ANKS1A: variants seen among roughly 807,000 people sequenced by gnomAD.
ANKS1A encodes ankyrin repeat and sterile alpha motif domain containing 1A.
ANKS1A carries 55 observed loss-of-function variants against 120.3 expected under a neutral mutation model. The ratio of observed to expected loss-of-function variants is 0.46; its 90% CI spans 0.37 to 0.57. The LOEUF (loss-of-function observed/expected upper bound fraction) is 0.57. Ranked by LOEUF, ANKS1A falls within the 20% of genes least tolerant of loss-of-function variation. The pLI is 0.00. For synonymous variants in ANKS1A, 590 were observed against 604.7 expected, an observed-to-expected ratio of 0.98 and a Z score of 0.36; for missense variants, 1,123 against 1,480.3, an observed-to-expected ratio of 0.76 and a Z score of 3.96.
At chr6:35,063,191 A>C (rs1010366230) in intron 13 of ANKS1A, among the ~76,000 whole-genome samples, 2 of 152,170 alleles carry the variant, frequency 1.3e-5, no homozygotes, top group African/African-American at 4.8e-5. Context: ...AGAGAGGGAA[A>C]CGTGGCTCAC....
At chr6:34,899,485 A>T (rs986142186) in intron 1 of ANKS1A, among the ~76,000 whole-genome samples, 9 of 149,034 alleles carry the variant, frequency 6.0e-5, no homozygotes, top group African/African-American at 1.5e-4. Flanking sequence ...AGTTTCTATT[A>T]AAAAAAAAAG....
chr6:35,045,913 C>T (rs1239102768), intron 11 of ANKS1A, among the ~76,000 whole-genome samples: 2 of 152,084 alleles, frequency 1.3e-5, no homozygotes, highest in African/African-American at 2.4e-5. Flanking sequence ...GGTCGGTGGT[C>T]GACCTTGCTG....
intron 1 of ANKS1A, among the ~76,000 whole-genome samples, chr6:34,938,728 G>A (rs993073096): frequency 6.6e-6 from 1 of 152,172 alleles, no homozygotes; most frequent in Non-Finnish European, 1.5e-5. Flanking sequence ...GGTGGCTCAC[G>A]CCTGTAATCC....
At chr6:34,925,500 G>A (rs1340730725) in intron 1 of ANKS1A, among the ~76,000 whole-genome samples, 2 of 152,148 alleles carry the variant, frequency 1.3e-5, no homozygotes, top group Non-Finnish European at 2.9e-5. Flanking sequence ...GTGAGTAGCC[G>A]ACTTAGAACC....
At chr6:35,046,099 A>C (rs1221879697) in intron 11 of ANKS1A, among the ~76,000 whole-genome samples, 1 of 152,226 alleles carries the variant, frequency 6.6e-6, no homozygotes, top group Admixed American at 6.5e-5. Context: ...GCTGCTTATC[A>C]TGCTAAAGGA....
At chr6:35,018,342 AT>A (rs1774153833) in intron 11 of ANKS1A, among the ~76,000 whole-genome samples, 1 of 152,140 alleles carries the variant, frequency 6.6e-6, no homozygotes, top group Non-Finnish European at 1.5e-5. Flanking sequence ...GTTTGGAAAT[AT>A]TTGGATCCCA....
chr6:34,953,428 A>G, intron 1 of ANKS1A, among the ~76,000 whole-genome samples: 1 of 152,132 alleles, frequency 6.6e-6, no homozygotes, highest in East Asian at 1.9e-4. Context: ...GGCAGAAAGG[A>G]GCTTGGTCTT....
At chr6:34,933,683 G>T (rs1033147389) in intron 1 of ANKS1A, among the ~76,000 whole-genome samples, 1 of 152,212 alleles carries the variant, frequency 6.6e-6, no homozygotes, top group South Asian at 2.1e-4. Flanking sequence ...CTGTAACAGT[G>T]TTTTGGAAGC....
Position 34,994,231 on chromosome 6 carries a change from A to C in ANKS1A, c.1303-71A>C, listed in dbSNP as rs561072088. On this transcript the variant is annotated intron_variant, in intron 9 of 23. Transcript: ENST00000360359. The stretch of plus-strand genomic sequence containing the variant: ...GATGAAAAAAGAGCCAATAATCTCG[A>C]ATTTGTTCCAGACTGCCTGTCTTGG... 5.3e-5 allele frequency: 82 copies of C among 1,554,918 alleles called. No homozygotes were observed. The African/African-American group carries it at 9.8e-4, about 19-fold the overall frequency.
chr6:35,038,733 G>A (rs766127975), intron 11 of ANKS1A, among the ~76,000 whole-genome samples: 12 of 152,078 alleles, frequency 7.9e-5, no homozygotes, highest in Non-Finnish European at 1.3e-4. Context: ...AGGTCTTCCT[G>A]CCTCAGCCTC....
intron 1 of ANKS1A, among the ~76,000 whole-genome samples, chr6:34,932,715 C>T (rs1472688275): frequency 6.6e-6 from 1 of 152,154 alleles, no homozygotes; most frequent in African/African-American, 2.4e-5. Flanking sequence ...AATAATATTC[C>T]ATTGTATGAG....
At chr6:34,929,815 CTCTT>C (rs1011903021) in intron 1 of ANKS1A, among the ~76,000 whole-genome samples, 5 of 128,038 alleles carry the variant, frequency 3.9e-5, no homozygotes, top group South Asian at 2.8e-4. Context: ...TTCTCTCTCT[CTCTT>C]TCTCTTTCTT....
intron 3 of ANKS1A, among the ~76,000 whole-genome samples, chr6:34,974,863 CTG>C (rs1425829175): frequency 6.6e-6 from 1 of 152,100 alleles, no homozygotes; most frequent in Non-Finnish European, 1.5e-5. Flanking sequence ...TTTTTGGAAT[CTG>C]TTTTTGTTAC....
At chr6:34,901,890 GAAGTATAAGGTGGA>G (rs1464943637) in intron 1 of ANKS1A, among the ~76,000 whole-genome samples, 1 of 152,178 alleles carries the variant, frequency 6.6e-6, no homozygotes, top group Non-Finnish European at 1.5e-5. Context: ...GACGTCTGTG[GAAGTATAAGGTGGA>G]AAGTATAAGG....
chr6:34,971,409 C>A (rs1194688316), intron 3 of ANKS1A, among the ~76,000 whole-genome samples: 1 of 151,614 alleles, frequency 6.6e-6, no homozygotes, highest in Non-Finnish European at 1.5e-5. Flanking sequence ...AAGCCTCTTA[C>A]AAATACAACT....
In ANKS1A at chr6:35,089,370, T is replaced by G; in HGVS notation, c.*761T>G. 3 of 986,656 alleles carry G rather than the reference T, an allele frequency of 3.0e-6. No homozygotes were observed. The highest frequency in any genetic ancestry group is 3.6e-6 in the Non-Finnish European group (3 of 830,586). 61.1% of individuals were successfully genotyped at this position (986,656 alleles called of 1,614,324 possible). ...TTAGCCAGCACCAGAGCGCCAGGCC[T>G]CTCCCTGGCCTCTTACCTGTCAGTG... On this transcript the variant is annotated 3_prime_UTR_variant, in exon 24 of 24. Transcript: ENST00000360359.
downstream of ANKS1A, among the ~76,000 whole-genome samples, chr6:35,094,355 C>T (rs79232093): frequency 0.012 from 1,891 of 151,662 alleles, 17 homozygotes; most frequent in Middle Eastern, 0.024. Flanking sequence ...AGGAGAATGG[C>T]TTGAGCCTGG....
At position 34,931,210 on chromosome 6, in the gene ANKS1A, G is replaced by A. The variant is rs146314909; in HGVS notation, c.198-36029G>A. Among the ~76,000 whole-genome samples, 625 of 150,064 alleles carry A rather than the reference G, an allele frequency of 4.2e-3. 4 individuals carry two copies. The highest frequency in any genetic ancestry group is 0.014 in the African/African-American group (581 of 40,600). On this transcript the variant is annotated intron_variant, in intron 1 of 23. Transcript: ENST00000360359. ...CACCCAGGCTGGAGTACAGTGGTGC[G>A]ATCTCAGCTCACTGCAACCTTCGCC...
At chr6:35,066,229 G>A (rs1035912982) in intron 13 of ANKS1A, among the ~76,000 whole-genome samples, 4 of 152,222 alleles carry the variant, frequency 2.6e-5, no homozygotes, top group Non-Finnish European at 5.9e-5. Flanking sequence ...CGCAAGGTGG[G>A]AAGGTGGTGT....
Sources: allele counts gnomAD v4.1 joint callset (sites outside exome capture counted in the v4.1 genomes callset), GRCh38; gene constraint gnomAD v4.1.1; transcripts MANE v1.5; gene names NCBI Gene and HGNC (gene_info 2026-07-23, HGNC 2026-07-21).